Variants in TMEM221 observed in about 807,000 individuals in gnomAD.
TMEM221 encodes the protein transmembrane protein 221.
TMEM221 carries 11 observed loss-of-function variants against 10.2 expected under a neutral mutation model. The ratio of observed to expected loss-of-function variants is 1.08; its 90% CI spans 0.68 to 1.79. The LOEUF (loss-of-function observed/expected upper bound fraction) is 1.79. Ranked by LOEUF, TMEM221 falls within the 40% of genes most tolerant of loss-of-function variation. TMEM221 has a pLI of 0.00. For synonymous variants in TMEM221, 172 were observed against 199.8 expected, an observed-to-expected ratio of 0.86 and a Z score of 1.18; for missense variants, 382 against 417.7, an observed-to-expected ratio of 0.91 and a Z score of 0.75.
intron 2 of TMEM221, among the ~76,000 whole-genome samples, chr19:17,439,107 T>G (rs2074921440): frequency 6.7e-6 from 1 of 150,054 alleles, no homozygotes; most frequent in Non-Finnish European, 1.5e-5. Flanking sequence ...TTCAGGAGGC[T>G]GAGGCAGGAG....
At chr19:17,439,626 T>A (rs1161907971) in intron 2 of TMEM221, among the ~76,000 whole-genome samples, 1 of 151,032 alleles carries the variant, frequency 6.6e-6, no homozygotes, top group Non-Finnish European at 1.5e-5. Context: ...AGGTGGAGAT[T>A]GCAGTGAGCC....
In TMEM221 at chr19:17,448,634, C is replaced by T. The variant is rs924734884; in HGVS notation, c.-172G>A. 5 of 405,894 alleles carry T rather than the reference C, an allele frequency of 1.2e-5. No individual in the cohort carries two copies. In the East Asian group the frequency reaches 1.9e-4, roughly 16 times the overall value. The allele number at this position is 405,894 out of a possible 1,614,324, so 25.1% of individuals were successfully genotyped here. ...GGGGGTCGCCAGACGGACGGGGGCT[C>T]CGGGGTGCTGGTCGCAGCCGGGACG... On this transcript the variant is annotated 5_prime_UTR_variant, in exon 1 of 3. Transcript: ENST00000341130. The surrounding 1 kb of genome is among the most constrained non-coding windows in gnomAD (Gnocchi z 4.7).
At chr19:17,445,108 G>T in intron 2 of TMEM221, 91 bp downstream of exon 2, 1 of 1,171,186 alleles carries the variant, frequency 8.5e-7, no homozygotes, top group Non-Finnish European at 1.2e-6. Context: ...ACTCAAGGAG[G>T]CTGTCTGCAG....
In TMEM221 at chr19:17,445,339, G is replaced by C. The variant is rs1201816675; in HGVS notation, c.321-55C>G. 4.1e-6 allele frequency: 6 copies of C among 1,451,936 alleles called. No homozygotes were observed. In the African/African-American group the frequency reaches 8.4e-5, roughly 20 times the overall value. The allele number at this position is 1,451,936 out of a possible 1,614,324, so 89.9% of individuals were successfully genotyped here. ...GGTTCAGGAAGTGGAGCTGGTGGGG[G>C]GAGGTCAGTGAGGACAGGGAGGGAG... On this transcript the variant is annotated intron_variant, in intron 1 of 2. Transcript: ENST00000341130.
At chr19:17,439,453 C>T (rs779084224) in intron 2 of TMEM221, among the ~76,000 whole-genome samples, 2 of 151,830 alleles carry the variant, frequency 1.3e-5, no homozygotes, top group African/African-American at 4.8e-5. Context: ...TTTGGGAGGC[C>T]GAGGTGGGTG....
In TMEM221 at chr19:17,436,716, G is replaced by A. The variant is rs2074910382; in HGVS notation, c.618C>T (p.Pro206=). ...ARPAEVSKAS[P]RAQPQQGIHR... is the part of the protein sequence containing the mutation. ...GGATACCCTGCTGAGGCTGAGCTCT[G>A]GGGCTGGCCTTGGAGACTTCGGCAG... The change falls in exon 3 of 3, where the codon CCC becomes CCT. Residue 206 remains proline (P), a synonymous_variant. Transcript: ENST00000341130. 6.5e-7 allele frequency: 1 copy of A among 1,532,142 alleles called. No individual in the cohort carries two copies. Among genetic ancestry groups the A allele is most frequent in the Admixed American group, 2.0e-5 (1 of 50,770 alleles). 94.9% of individuals were successfully genotyped at this position (1,532,142 alleles called of 1,614,324 possible). A position where few individuals can be genotyped will look rare whatever the true frequency, so the allele number is the denominator to read the frequency against.
At chr19:17,447,675 G>T (rs1276064574) in intron 1 of TMEM221, among the ~76,000 whole-genome samples, 2 of 152,188 alleles carry the variant, frequency 1.3e-5, no homozygotes, top group East Asian at 3.8e-4. Flanking sequence ...CCTGATAGGG[G>T]TCCCTCAATG....
intron 1 of TMEM221, among the ~76,000 whole-genome samples, chr19:17,447,421 C>T (rs543217949): frequency 6.8e-4 from 103 of 152,252 alleles, no homozygotes; most frequent in African/African-American, 2.3e-3. Context: ...CATTCCCCTG[C>T]AGGCAGGCAC....
intron 1 of TMEM221, among the ~76,000 whole-genome samples, 182 bp from the exon 2 acceptor site, chr19:17,445,466 C>G (rs960806509): frequency 6.6e-6 from 1 of 152,154 alleles, no homozygotes; most frequent in Non-Finnish European, 1.5e-5. Context: ...CATCCATTTA[C>G]TTATCCACTC....
chr19:17,446,197 CATCCATCT>C (rs1033942532), intron 1 of TMEM221, among the ~76,000 whole-genome samples: 26 of 133,250 alleles, frequency 2.0e-4, no homozygotes, highest in Non-Finnish European at 2.6e-4. Context: ...TCCATCCATC[CATCCATCT>C]ATCCATCCAT....
chr19:17,442,847 TA>T (rs371852529), intron 2 of TMEM221, among the ~76,000 whole-genome samples: 5 of 150,230 alleles, frequency 3.3e-5, no homozygotes, highest in African/African-American at 7.3e-5. Flanking sequence ...CTCCTTTTTT[TA>T]AAAAAAAAAC....
chr19:17,448,129 G>A lies in TMEM221; in HGVS notation c.320+14C>T. 2.2e-6 allele frequency: 3 copies of A among 1,370,012 alleles called. No homozygotes were observed. The highest frequency in any genetic ancestry group is 2.8e-6 in the Non-Finnish European group (3 of 1,067,106). 84.9% of individuals were successfully genotyped at this position (1,370,012 alleles called of 1,614,324 possible). A position where few individuals can be genotyped will look rare whatever the true frequency, so the allele number is the denominator to read the frequency against. On this transcript the variant is annotated intron_variant, in intron 1 of 2. Coordinates refer to ENST00000341130, the MANE Select transcript of TMEM221 (RefSeq NM_001190844.2). The surrounding 1 kb of genome is among the most constrained non-coding windows in gnomAD (Gnocchi z 4.7). ...CCAGCCGGGCCTCCGAGGCGGTGAG[G>A]CCAGTCCTCCTACCTCCTGGGGCCA...
intron 2 of TMEM221, among the ~76,000 whole-genome samples, chr19:17,443,508 A>C (rs950526415): frequency 3.3e-5 from 5 of 150,348 alleles, no homozygotes; most frequent in African/African-American, 1.2e-4. Flanking sequence ...TTGAATTTTT[A>C]ATGGTGGGGT....
At chr19:17,441,791 A>G (rs553120849) in intron 2 of TMEM221, among the ~76,000 whole-genome samples, 5 of 148,872 alleles carry the variant, frequency 3.4e-5, no homozygotes, top group African/African-American at 1.2e-4. Flanking sequence ...AAGATATCAC[A>G]CTGCATGATG....
rs200700030 is a variant in TMEM221, at chr19:17,436,795, C to T, written c.539G>A (p.Arg180His). ...CGGGGACAACTCATGGAGCCCACGG[C>T]GGGCAGCCCGGGCAGCCCGGAGGAG... ...HTLLRAARAA[R>H]RGLHELSPPS... Residue 180 changes from arginine to histidine, a missense_variant, in exon 3 of 3, where the codon CGC becomes CAC. Coordinates refer to ENST00000341130, the MANE Select transcript of TMEM221 (RefSeq NM_001190844.2). 16 of 1,508,722 alleles carry T rather than the reference C, an allele frequency of 1.1e-5. No homozygotes were observed. Among genetic ancestry groups the T allele is most frequent in the Non-Finnish European group, 1.3e-5 (15 of 1,130,720 alleles). 93.5% of individuals were successfully genotyped at this position (1,508,722 alleles called of 1,614,324 possible).
In TMEM221 at chr19:17,436,241, A is replaced by C; in HGVS notation, c.*217T>G. On this transcript the variant is annotated 3_prime_UTR_variant, in exon 3 of 3. Coordinates refer to ENST00000341130, the MANE Select transcript of TMEM221 (RefSeq NM_001190844.2). ...CTTCCTGGGAAGACTTCCAGGAGAC[A>C]CCTAGCCAGCGCTGGCCTCTGACTT... 1 of 526,888 alleles carries C rather than the reference A, an allele frequency of 1.9e-6. No individual in the cohort carries two copies. The highest frequency in any genetic ancestry group is 3.3e-6 in the Non-Finnish European group (1 of 301,706). The allele number at this position is 526,888 out of a possible 1,614,324, so 32.6% of individuals were successfully genotyped here.
At chr19:17,440,222 A>ATTTTTTT in intron 2 of TMEM221, among the ~76,000 whole-genome samples, 1 of 96,420 alleles carries the variant, frequency 1.0e-5, no homozygotes, top group Admixed American at 1.2e-4. Context: ...TTAAAATGGT[A>ATTTTTTT]TTTTTTTTTT....
chr19:17,448,542 A>G lies in TMEM221; in HGVS notation c.-80T>C. 2.0e-6 allele frequency: 2 copies of G among 1,010,188 alleles called. No individual in the cohort carries two copies. Among genetic ancestry groups the G allele is most frequent in the Non-Finnish European group, 2.5e-6 (2 of 789,096 alleles). 62.6% of individuals were successfully genotyped at this position (1,010,188 alleles called of 1,614,324 possible). A position where few individuals can be genotyped will look rare whatever the true frequency, so the allele number is the denominator to read the frequency against. On this transcript the variant is annotated 5_prime_UTR_variant, in exon 1 of 3. Coordinates refer to ENST00000341130, the MANE Select transcript of TMEM221 (RefSeq NM_001190844.2). The surrounding 1 kb of genome is among the most constrained non-coding windows in gnomAD (Gnocchi z 4.7). ...GGGCAGGGGAGTTGGGGGGAATCCG[A>G]GGGTCCTCAGGGGGTCCCCGAGGGG...
At chr19:17,440,652 C>T (rs935636329) in intron 2 of TMEM221, among the ~76,000 whole-genome samples, 14 of 152,248 alleles carry the variant, frequency 9.2e-5, no homozygotes, top group African/African-American at 2.9e-4. Context: ...ATTGCTTGAG[C>T]CAGGAGTTCA....
Sources: allele counts gnomAD v4.1 joint callset (sites outside exome capture counted in the v4.1 genomes callset), GRCh38; gene constraint gnomAD v4.1.1; non-coding constraint Gnocchi (gnomAD v3.1); transcripts MANE v1.5; gene names NCBI Gene and HGNC (gene_info 2026-07-23, HGNC 2026-07-21).